BEND7: variants seen among roughly 807,000 people sequenced by gnomAD.
BEND7 encodes BEN domain containing 7, also known as BEN domain-containing protein 7.
In BEND7, 28 loss-of-function variants were observed where a neutral mutation model predicts 50.9. The observed-to-expected ratio is 0.55, with a 90% confidence interval of 0.41 to 0.75. The LOEUF is 0.75. Among genes scored for constraint, BEND7 ranks in the 30% least tolerant of loss-of-function variants. BEND7 has a pLI of 0.00. For missense variants in BEND7, 477 were observed against 491.3 expected, an observed-to-expected ratio of 0.97 and a Z score of 0.28; for synonymous variants, 170 against 183.9, an observed-to-expected ratio of 0.92 and a Z score of 0.61.
At chr10:13,443,723 T>C (rs1413832187) in intron 8 of BEND7, 1 of 152,244 alleles carries the variant, frequency 6.6e-6, no homozygotes, top group Non-Finnish European at 1.5e-5. Flanking sequence ...CAGAATATTA[T>C]GCAGCTATTA....
intron 2 of BEND7, among the ~76,000 whole-genome samples, chr10:13,501,859 A>T (rs1017612824): frequency 6.7e-6 from 1 of 148,414 alleles, no homozygotes; most frequent in Admixed American, 6.7e-5. Context: ...AAAAAAAAAA[A>T]TCTTAGGCCA....
rs116636492 is a variant in BEND7, at chr10:13,464,219, C to T, written c.1064-11561G>A. ...TGGGCACCCAGAAACACAGAGATGA[C>T]AGCTGCCTTGGGTGACAGGGAAAGA... On this transcript the variant is annotated intron_variant, in intron 6 of 8. Coordinates refer to ENST00000466271, the MANE Select transcript of BEND7 (RefSeq NM_001369863.1). Among the ~76,000 whole-genome samples, 895 of 152,330 alleles carry T rather than the reference C, an allele frequency of 5.9e-3. 7 individuals carry two copies. Among genetic ancestry groups the T allele is most frequent in the African/African-American group, 0.02 (842 of 41,570 alleles).
At chr10:13,515,508 T>C (rs1401320369) in intron 2 of BEND7, among the ~76,000 whole-genome samples, 1 of 152,230 alleles carries the variant, frequency 6.6e-6, no homozygotes, top group Admixed American at 6.5e-5. Flanking sequence ...TTTACAAGGA[T>C]ATTGGTTGTA....
chr10:13,439,259 T>G, downstream of BEND7: 2 of 1,614,130 alleles, frequency 1.2e-6, no homozygotes, highest in East Asian at 2.2e-5. Flanking sequence ...GATGATGAAG[T>G]GTAGCTGAGA....
intron 2 of BEND7, among the ~76,000 whole-genome samples, chr10:13,524,255 A>ATGT (rs2079278120): frequency 6.6e-6 from 1 of 152,238 alleles, no homozygotes; most frequent in Admixed American, 6.5e-5. Context: ...CAAGGACATG[A>ATGT]TGTTCCCTTT....
At chr10:13,514,354 G>A (rs552997554) in intron 2 of BEND7, among the ~76,000 whole-genome samples, 3 of 152,322 alleles carry the variant, frequency 2.0e-5, no homozygotes, top group Admixed American at 1.3e-4. Flanking sequence ...CACATCGGAG[G>A]CATCCGTGCA....
Position 13,441,552 on chromosome 10 carries a change from C to G in BEND7, c.*191G>C. 7.0e-7 allele frequency: 1 copy of G among 1,438,676 alleles called. No individual in the cohort carries two copies. The highest frequency in any genetic ancestry group is 9.1e-7 in the Non-Finnish European group (1 of 1,097,316). 89.1% of individuals were successfully genotyped at this position (1,438,676 alleles called of 1,614,324 possible). The stretch of plus-strand genomic sequence containing the variant: ...GCTTCTGAAGGTTCCCAGCAGATCT[C>G]TTAACAGACCACAGTTGGAAGTTAG... On this transcript the variant is annotated 3_prime_UTR_variant, in exon 9 of 9. Transcript: ENST00000466271.
chr10:13,516,067 A>G (rs1166459593), intron 2 of BEND7, among the ~76,000 whole-genome samples: 3 of 152,202 alleles, frequency 2.0e-5, no homozygotes, highest in Non-Finnish European at 4.4e-5. Context: ...ACCTTTTAAC[A>G]TGGTTTAACA....
chr10:13,447,874 G>A (rs1229055257), intron 7 of BEND7, among the ~76,000 whole-genome samples: 1 of 152,064 alleles, frequency 6.6e-6, no homozygotes, highest in Non-Finnish European at 1.5e-5. Flanking sequence ...CTTGAATATC[G>A]AACCAGCATG....
chr10:13,440,903 C>T (rs1467176308), downstream of BEND7, among the ~76,000 whole-genome samples: 1 of 152,218 alleles, frequency 6.6e-6, no homozygotes, highest in African/African-American at 2.4e-5. Flanking sequence ...TTTCCAGCGT[C>T]TGAAGCCTTT....
chr10:13,466,722 A>T (rs1342206911), intron 6 of BEND7, among the ~76,000 whole-genome samples: 1 of 152,218 alleles, frequency 6.6e-6, no homozygotes, highest in Non-Finnish European at 1.5e-5. Flanking sequence ...AAGTGGCATA[A>T]AACACATGCG....
At chr10:13,494,966 C>T (rs2076929213) in intron 4 of BEND7, among the ~76,000 whole-genome samples, 1 of 152,190 alleles carries the variant, frequency 6.6e-6, no homozygotes, top group African/African-American at 2.4e-5. Context: ...TTTGTGCCAT[C>T]CTACAGCTTT....
intron 6 of BEND7, among the ~76,000 whole-genome samples, chr10:13,472,472 G>A (rs141816930): frequency 2.2e-4 from 34 of 151,814 alleles, no homozygotes; most frequent in African/African-American, 5.6e-4. Context: ...GTCAATACCC[G>A]TCATTGCTGT....
At chr10:13,442,227 C>T (rs1263385577) in intron 8 of BEND7, 1 of 154,564 alleles carries the variant, frequency 6.5e-6, no homozygotes, top group African/African-American at 2.4e-5. Context: ...ACTTTTAGCT[C>T]TTAACATTCT....
chr10:13,519,666 G>C (rs1589062178), intron 2 of BEND7, among the ~76,000 whole-genome samples: 2 of 152,236 alleles, frequency 1.3e-5, no homozygotes, highest in East Asian at 3.8e-4. Flanking sequence ...AACCCCTCAA[G>C]AGTGTTATCC....
intron 2 of BEND7, among the ~76,000 whole-genome samples, chr10:13,516,343 G>T (rs1370254236): frequency 2.0e-5 from 3 of 152,234 alleles, no homozygotes; most frequent in Non-Finnish European, 4.4e-5. Context: ...CGAGGCCCGG[G>T]GTGGCGCGGA....
At chr10:13,521,703 C>G (rs1203951147) in intron 2 of BEND7, among the ~76,000 whole-genome samples, 2 of 152,218 alleles carry the variant, frequency 1.3e-5, no homozygotes, top group African/African-American at 4.8e-5. Flanking sequence ...TGGTGACACA[C>G]TAGACCCTTC....
intron 6 of BEND7, among the ~76,000 whole-genome samples, chr10:13,453,713 G>T (rs1838307962): frequency 6.6e-6 from 1 of 152,072 alleles, no homozygotes; most frequent in Admixed American, 6.5e-5. Context: ...GTTAACCAAA[G>T]AACTGCAAAA....
intron 6 of BEND7, among the ~76,000 whole-genome samples, chr10:13,454,618 C>T (rs1351433364): frequency 3.3e-5 from 5 of 151,776 alleles, no homozygotes; most frequent in African/African-American, 9.7e-5. Context: ...AGACTTTAAG[C>T]GACTTGTACA....
Sources: gnomAD v4.1 joint callset for allele counts (sites outside exome capture counted in the v4.1 genomes callset) on GRCh38, gnomAD v4.1.1 for gene constraint, MANE v1.5 for transcripts, NCBI Gene and HGNC (gene_info 2026-07-23, HGNC 2026-07-21) for gene names.